FAM20A: variants seen among roughly 807,000 people sequenced by gnomAD.
FAM20A encodes FAM20A golgi associated secretory pathway pseudokinase.
FAM20A carries 42 observed loss-of-function variants against 52.0 expected under a neutral mutation model. That is an observed-to-expected ratio of 0.81 (90% confidence interval 0.63 to 1.04). FAM20A has a LOEUF of 1.04. Ranked by LOEUF, FAM20A falls within the 50% of genes least tolerant of loss-of-function variation. The pLI is 0.00. For missense variants in FAM20A, 742 were observed against 712.7 expected (o/e 1.04, Z -0.47); for synonymous variants, 304 against 298.9 (o/e 1.02, Z -0.18).
Position 68,537,874 on chromosome 17 carries a change from TA to T in FAM20A, c.1362-134del. The T allele has an allele frequency of 9.8e-7, 1 of 1,023,642 alleles. No homozygotes were observed. Among genetic ancestry groups the T allele is most frequent in the East Asian group, 2.6e-5 (1 of 38,506 alleles). 63.4% of individuals were successfully genotyped at this position (1,023,642 alleles called of 1,614,324 possible). A position where few individuals can be genotyped will look rare whatever the true frequency, so the allele number is the denominator to read the frequency against. ...TCCTTGTGTCTTCTCAGGCACATTT[TA>T]ATGGAAACCAGGTAAAAAGGGAACA... is the stretch of plus-strand genomic sequence containing the variant. On this transcript the variant is annotated intron_variant, in intron 10 of 10. Coordinates refer to ENST00000592554, the MANE Select transcript of FAM20A (RefSeq NM_017565.4). This position sits in a 1 kb window ranked among gnomAD's most constrained non-coding sequence, Gnocchi z 4.2.
At chr17:68,560,618 T>C (rs887213322) in intron 1 of FAM20A, among the ~76,000 whole-genome samples, 1 of 152,230 alleles carries the variant, frequency 6.6e-6, no homozygotes, top group African/African-American at 2.4e-5. Context: ...TGTTTTGTTA[T>C]GCCGAGCGAT....
intron 6 of FAM20A, 24 bp downstream of exon 6, chr17:68,542,670 A>G: frequency 6.4e-7 from 1 of 1,570,310 alleles, no homozygotes; most frequent in Non-Finnish European, 8.8e-7. Context: ...CAGACCCGGA[A>G]TATCACTCGG....
intron 9 of FAM20A, 33 bp from the exon 10 acceptor site, chr17:68,539,429 G>A (rs774510993): frequency 1.3e-5 from 21 of 1,600,420 alleles, no homozygotes; most frequent in East Asian, 2.2e-5. Context: ...ATGGGTGGCC[G>A]GCAGCATCCT....
In FAM20A at chr17:68,536,887, A is replaced by G. The variant is rs768997260; in HGVS notation, c.*590T>C. ...TCTTTTATTTTTGCCACTTGTTATAATATCTCTAAGAAGTTACTCCAGGAC... is the reference window on the plus strand; with the variant it reads ...TCTTTTATTTTTGCCACTTGTTATAGTATCTCTAAGAAGTTACTCCAGGAC... On this transcript the variant is annotated 3_prime_UTR_variant, in exon 11 of 11. Coordinates refer to ENST00000592554, the MANE Select transcript of FAM20A (RefSeq NM_017565.4). The G allele has an allele frequency of 4.4e-6, 2 of 453,970 alleles. No individual in the cohort carries two copies. The highest frequency in any genetic ancestry group is 1.6e-5 in the South Asian group (1 of 64,472). The allele number at this position is 453,970 out of a possible 1,614,324, so 28.1% of individuals were successfully genotyped here. A position where few individuals can be genotyped will look rare whatever the true frequency, so the allele number is the denominator to read the frequency against.
chr17:68,566,058 T>C (rs1474536554), intron 1 of FAM20A, among the ~76,000 whole-genome samples: 1 of 152,194 alleles, frequency 6.6e-6, no homozygotes, highest in East Asian at 1.9e-4. Context: ...CACCTTGGAA[T>C]GCCTTCTTCT....
At chr17:68,588,083 A>G (rs1382571463) in intron 1 of FAM20A, among the ~76,000 whole-genome samples, 3 of 151,950 alleles carry the variant, frequency 2.0e-5, no homozygotes, top group African/African-American at 7.2e-5. Context: ...CAATTACAGG[A>G]GGAATGCCAA....
intron 1 of FAM20A, among the ~76,000 whole-genome samples, chr17:68,586,486 G>C (rs1287429887): frequency 2.6e-5 from 4 of 152,174 alleles, no homozygotes; most frequent in Non-Finnish European, 5.9e-5. Context: ...GAATCATTTA[G>C]GTGGACCTGA....
intron 7 of FAM20A, 175 bp from the exon 8 acceptor site, chr17:68,541,133 C>T (rs1600522601): frequency 1.3e-5 from 11 of 864,876 alleles, no homozygotes; most frequent in South Asian, 3.4e-5. Flanking sequence ...CTGCATATTC[C>T]GTGTGGTGAG....
Position 68,537,264 on chromosome 17 carries a change from A to G in FAM20A, c.*213T>C. 1 of 719,966 alleles carries G rather than the reference A, an allele frequency of 1.4e-6. No homozygotes were observed. The highest frequency in any genetic ancestry group is 2.4e-6 in the Non-Finnish European group (1 of 408,438). The allele number at this position is 719,966 out of a possible 1,614,324, so 44.6% of individuals were successfully genotyped here. ...TGATGAAGCCAGTGCTTTTTGGGAA[A>G]AACGGAGCAAGGCAACGCACGACAG... On this transcript the variant is annotated 3_prime_UTR_variant, in exon 11 of 11. Transcript: ENST00000592554. The surrounding 1 kb of genome is among the most constrained non-coding windows in gnomAD (Gnocchi z 4.2).
Position 68,540,777 on chromosome 17 carries a change from C to T in FAM20A, c.1219+72G>A, listed in dbSNP as rs1360483958. 7 of 1,540,802 alleles carry T rather than the reference C, an allele frequency of 4.5e-6. No homozygotes were observed. The East Asian group carries it at 1.2e-4, about 27-fold the overall frequency. ...TCATGAACCAGGTTGTAAGTTTGTGCTCAAGGTCACGGGGAACCCTAGCCA... is the reference window on the plus strand; with the variant it reads ...TCATGAACCAGGTTGTAAGTTTGTGTTCAAGGTCACGGGGAACCCTAGCCA... On this transcript the variant is annotated intron_variant, in intron 8 of 10. Coordinates refer to ENST00000592554, the MANE Select transcript of FAM20A (RefSeq NM_017565.4).
At chr17:68,592,815 C>G (rs2088350527) in intron 1 of FAM20A, among the ~76,000 whole-genome samples, 1 of 152,152 alleles carries the variant, frequency 6.6e-6, no homozygotes. Flanking sequence ...ATGCTGTGTT[C>G]CCTGGGGCCT....
intron 4 of FAM20A, among the ~76,000 whole-genome samples, chr17:68,549,417 C>G (rs753074084): frequency 6.6e-6 from 1 of 151,614 alleles, no homozygotes; most frequent in Non-Finnish European, 1.5e-5. Flanking sequence ...TTGCTTGAAC[C>G]TGGGAGGCCG....
At position 68,600,082 on chromosome 17, in the gene FAM20A, G is replaced by A. The variant is rs1047679012; in HGVS notation, c.404+181C>T. 5.9e-5 allele frequency among the ~76,000 whole-genome samples: 9 copies of A among 152,206 alleles called. No individual in the cohort carries two copies. Among genetic ancestry groups the A allele is most frequent in the African/African-American group, 1.2e-4 (5 of 41,460 alleles). On this transcript the variant is annotated intron_variant, in intron 1 of 10. Coordinates refer to ENST00000592554, the MANE Select transcript of FAM20A (RefSeq NM_017565.4). The surrounding 1 kb of genome is among the most constrained non-coding windows in gnomAD (Gnocchi z 6.2). ...CTATCTGACTCCGGGACTGGACTGT[G>A]AGGTCTGCAACAGCTGGTGGGGTTC... is the stretch of plus-strand genomic sequence containing the variant.
intron 1 of FAM20A, among the ~76,000 whole-genome samples, chr17:68,562,619 C>A (rs567649484): frequency 6.6e-5 from 10 of 151,962 alleles, no homozygotes; most frequent in Admixed American, 2.6e-4. Context: ...CATCCCCCCC[C>A]CTTTTTATTT....
At chr17:68,594,370 G>A (rs952427736) in intron 1 of FAM20A, among the ~76,000 whole-genome samples, 2 of 151,170 alleles carry the variant, frequency 1.3e-5, no homozygotes, top group Non-Finnish European at 2.9e-5. Flanking sequence ...CTGCACTCCA[G>A]CCTGGGCGAC....
intron 1 of FAM20A, among the ~76,000 whole-genome samples, chr17:68,585,869 T>C (rs1474143425): frequency 2.6e-5 from 4 of 152,180 alleles, no homozygotes; most frequent in African/African-American, 9.7e-5. Context: ...ATGGATGTGA[T>C]GGAAAATGCT....
intron 1 of FAM20A, among the ~76,000 whole-genome samples, chr17:68,572,001 TATATATATATATATATATA>T (rs1368016613): frequency 6.8e-5 from 6 of 88,636 alleles, no homozygotes; most frequent in African/African-American, 2.0e-4. Flanking sequence ...TATATATATA[TATATATATATATATATATA>T]TATATATATA....
At chr17:68,541,131 TC>T (rs1406265612) in intron 7 of FAM20A, 173 bp from the exon 8 acceptor site, 1 of 880,258 alleles carries the variant, frequency 1.1e-6, no homozygotes, top group Non-Finnish European at 1.7e-6. Context: ...GGCTGCATAT[TC>T]CGTGTGGTGA....
chr17:68,600,488 G>T lies in FAM20A; in HGVS notation c.179C>A (p.Ala60Asp), dbSNP rs1322955390. ...ASSLARDSAA[A>D]ASDPGTIVHN... is the part of the protein sequence containing the mutation. ...CACGATCGTGCCGGGGTCCGAGGCA[G>T]CTGCGGCCGAGTCCCGCGCCAGGGA... is the stretch of plus-strand genomic sequence containing the variant. Residue 60 changes from alanine (A) to aspartate (D), a missense_variant, in exon 1 of 11, where the codon GCT (alanine) becomes GAT (aspartate). Coordinates refer to ENST00000592554, the MANE Select transcript of FAM20A (RefSeq NM_017565.4). This position sits in a 1 kb window ranked among gnomAD's most constrained non-coding sequence, Gnocchi z 6.2. The T allele has an allele frequency of 6.3e-7, 1 of 1,598,814 alleles. No individual in the cohort carries two copies. The highest frequency in any genetic ancestry group is 1.3e-5 in the African/African-American group (1 of 74,510).
Sources: allele counts gnomAD v4.1 joint callset (sites outside exome capture counted in the v4.1 genomes callset), GRCh38; gene constraint gnomAD v4.1.1; non-coding constraint Gnocchi (gnomAD v3.1); transcripts MANE v1.5; gene names NCBI Gene and HGNC (gene_info 2026-07-23, HGNC 2026-07-21).